Variants in DLGAP2 observed in about 807,000 individuals in gnomAD.
The protein encoded by DLGAP2 is DLG associated protein 2.
In DLGAP2, 26 loss-of-function variants were observed where a neutral mutation model predicts 100.3. The observed-to-expected ratio is 0.26, with a 90% CI of 0.19 to 0.36. The LOEUF (loss-of-function observed/expected upper bound fraction) is 0.36. Among genes scored for constraint, DLGAP2 ranks in the 10% least tolerant of loss-of-function variants. The probability of loss-of-function intolerance (pLI) is 1.00; values close to 1 mark genes in which losing one functional copy is unlikely to be tolerated. For missense variants in DLGAP2, 1,858 were observed against 1,453.2 expected (o/e 1.28, Z -4.53); for synonymous variants, 886 against 630.1 (o/e 1.41, Z -6.08).
chr8:1,659,505 G>C (rs1408462895), intron 8 of DLGAP2, among the ~76,000 whole-genome samples: 1 of 152,226 alleles, frequency 6.6e-6, no homozygotes, highest in Non-Finnish European at 1.5e-5. Context: ...CTAAGAACTT[G>C]CTTTATGAAT....
intron 3 of DLGAP2, among the ~76,000 whole-genome samples, chr8:1,309,945 A>G (rs765250261): frequency 6.6e-6 from 1 of 151,758 alleles, no homozygotes; most frequent in Non-Finnish European, 1.5e-5. Flanking sequence ...AAACACAAAA[A>G]TTAGCCAGGT....
intron 2 of DLGAP2, among the ~76,000 whole-genome samples, chr8:1,099,251 G>A (rs1804500811): frequency 6.6e-6 from 1 of 152,166 alleles, no homozygotes. Context: ...GAGGGCTTCT[G>A]AGAGTTAATA....
At chr8:1,045,479 C>T (rs921258808) in intron 2 of DLGAP2, among the ~76,000 whole-genome samples, 5 of 152,330 alleles carry the variant, frequency 3.3e-5, no homozygotes, top group Middle Eastern at 6.8e-3. Flanking sequence ...GCATTACTCA[C>T]ACACTATCAT....
chr8:845,449 G>C (rs1195211230), intron 1 of DLGAP2, among the ~76,000 whole-genome samples: 2 of 152,170 alleles, frequency 1.3e-5, no homozygotes, highest in African/African-American at 2.4e-5. Flanking sequence ...CTTGTTGGCT[G>C]TTTGTATATC....
At chr8:905,042 C>T (rs1584878822) in intron 1 of DLGAP2, among the ~76,000 whole-genome samples, 1 of 152,140 alleles carries the variant, frequency 6.6e-6, no homozygotes, top group Non-Finnish European at 1.5e-5. Context: ...GTGACTGTGG[C>T]GGGTAGAATG....
intron 2 of DLGAP2, among the ~76,000 whole-genome samples, chr8:1,131,476 C>G (rs536459833): frequency 6.6e-6 from 1 of 152,304 alleles, no homozygotes; most frequent in Admixed American, 6.5e-5. Flanking sequence ...TTATAAGTGG[C>G]TCATCCCACC....
At chr8:1,680,333 A>C (rs1189704660) in intron 12 of DLGAP2, among the ~76,000 whole-genome samples, 1 of 152,244 alleles carries the variant, frequency 6.6e-6, no homozygotes, top group Non-Finnish European at 1.5e-5. Context: ...AATCCTAGAA[A>C]TAGAAGTGCA....
At chr8:832,377 A>T (rs1332375816) in intron 1 of DLGAP2, among the ~76,000 whole-genome samples, 1 of 152,164 alleles carries the variant, frequency 6.6e-6, no homozygotes, top group East Asian at 1.9e-4. Flanking sequence ...ATCCATCTTG[A>T]ATTAATTTTT....
intron 13 of DLGAP2, among the ~76,000 whole-genome samples, chr8:1,696,483 G>T (rs1240072508): frequency 2.6e-5 from 4 of 152,276 alleles, no homozygotes; most frequent in African/African-American, 9.6e-5. Flanking sequence ...GGGCGACAGA[G>T]AAAGACCCTG....
At position 1,315,949 on chromosome 8, in the gene DLGAP2, G is replaced by A. The variant is rs185288030; in HGVS notation, c.106+57066G>A. Among the ~76,000 whole-genome samples, 233 of 135,006 alleles carry A rather than the reference G, an allele frequency of 1.7e-3. No individual in the cohort carries two copies. The East Asian group carries it at 0.031, about 18-fold the overall frequency. The allele number at this position is 135,006 out of a possible 152,430, so 88.6% of individuals were successfully genotyped here. A position where few individuals can be genotyped will look rare whatever the true frequency, so the allele number is the denominator to read the frequency against. ...CGAGTGCAGCCTCTCTCCAACAGTGGTCTACACTCGAGAAACTTCGCAGCT... is the reference window on the plus strand; with the variant it reads ...CGAGTGCAGCCTCTCTCCAACAGTGATCTACACTCGAGAAACTTCGCAGCT... On this transcript the variant is annotated intron_variant, in intron 3 of 14. Transcript: ENST00000637795.
At chr8:1,432,298 A>C (rs1234421963) in intron 3 of DLGAP2, among the ~76,000 whole-genome samples, 1 of 152,250 alleles carries the variant, frequency 6.6e-6, no homozygotes, top group Non-Finnish European at 1.5e-5. Context: ...AGCAGCTGCC[A>C]AATTTAATCT....
chr8:1,276,319 G>A (rs1182547057), intron 3 of DLGAP2, among the ~76,000 whole-genome samples: 1 of 151,770 alleles, frequency 6.6e-6, no homozygotes, highest in Non-Finnish European at 1.5e-5. Context: ...TTCAACATTA[G>A]TGTCTTGGAC....
chr8:761,392 T>C (rs1821079058), intron 1 of DLGAP2, among the ~76,000 whole-genome samples: 1 of 152,270 alleles, frequency 6.6e-6, no homozygotes, highest in Non-Finnish European at 1.5e-5. Context: ...ACTGCAGTTC[T>C]ATTGCATCAC....
At chr8:1,138,032 G>A (rs1036732827) in intron 2 of DLGAP2, among the ~76,000 whole-genome samples, 3 of 152,138 alleles carry the variant, frequency 2.0e-5, no homozygotes, top group Admixed American at 6.5e-5. Flanking sequence ...CACGGCGCCC[G>A]GCCCCCTCTC....
intron 3 of DLGAP2, among the ~76,000 whole-genome samples, chr8:1,259,305 C>T (rs1799294762): frequency 6.6e-6 from 1 of 152,180 alleles, no homozygotes; most frequent in Non-Finnish European, 1.5e-5. Flanking sequence ...GGGGCCTTTG[C>T]TGGCTGTGAG....
chr8:1,361,304 A>G (rs916571023), intron 3 of DLGAP2, among the ~76,000 whole-genome samples: 1 of 152,158 alleles, frequency 6.6e-6, no homozygotes, highest in African/African-American at 2.4e-5. Context: ...TCTCCCCAAC[A>G]CACAACTTTA....
At chr8:1,170,871 GTC>G (rs1244872704) in intron 2 of DLGAP2, among the ~76,000 whole-genome samples, 1 of 145,508 alleles carries the variant, frequency 6.9e-6, no homozygotes, top group Non-Finnish European at 1.5e-5. Flanking sequence ...GGTTTTTTGT[GTC>G]TCTATTTCCT....
chr8:860,513 A>T (rs1797368606), intron 1 of DLGAP2, among the ~76,000 whole-genome samples: 1 of 152,146 alleles, frequency 6.6e-6, no homozygotes, highest in Non-Finnish European at 1.5e-5. Context: ...AGAGAATGGG[A>T]AGGGTGGACG....
chr8:1,095,385 C>T (rs1440673706), intron 2 of DLGAP2, among the ~76,000 whole-genome samples: 1 of 152,198 alleles, frequency 6.6e-6, no homozygotes, highest in East Asian at 1.9e-4. Flanking sequence ...CAGCAGACCC[C>T]AAGCTCACCC....
Sources: allele counts gnomAD v4.1 joint callset (sites outside exome capture counted in the v4.1 genomes callset), GRCh38; gene constraint gnomAD v4.1.1; transcripts MANE v1.5; gene names NCBI Gene and HGNC (gene_info 2026-07-23, HGNC 2026-07-21).